Variants in MYT1L observed in about 807,000 individuals in gnomAD.
The protein encoded by MYT1L is myelin transcription factor 1-like protein.
In MYT1L, 12 loss-of-function variants were observed where a neutral mutation model predicts 126.7. The ratio of observed to expected loss-of-function variants is 0.09; its 90% CI spans 0.06 to 0.15. The LOEUF (loss-of-function observed/expected upper bound fraction) is 0.15. Ranked by LOEUF, MYT1L falls within the 10% of genes least tolerant of loss-of-function variation. The probability of loss-of-function intolerance (pLI) is 1.00; values close to 1 mark genes in which losing one functional copy is unlikely to be tolerated. For missense variants in MYT1L, 979 were observed against 1,585.2 expected (o/e 0.62, Z 6.49); for synonymous variants, 541 against 604.2 (o/e 0.90, Z 1.53).
intron 3 of MYT1L, among the ~76,000 whole-genome samples, chr2:2,060,128 C>T (rs1004734754): frequency 1.3e-5 from 2 of 152,186 alleles, no homozygotes; most frequent in African/African-American, 2.4e-5. Flanking sequence ...CACCTGGGCA[C>T]ATCAGATAGC....
intron 2 of MYT1L, among the ~76,000 whole-genome samples, chr2:2,249,006 G>A (rs1278305874): frequency 2.0e-5 from 3 of 152,030 alleles, no homozygotes; most frequent in Admixed American, 6.6e-5. Flanking sequence ...AGTACTGAAA[G>A]TCCCAGCCAG....
At chr2:2,199,560 C>A (rs991148127) in intron 2 of MYT1L, among the ~76,000 whole-genome samples, 5 of 152,178 alleles carry the variant, frequency 3.3e-5, no homozygotes, top group African/African-American at 9.7e-5. Flanking sequence ...GGGGCAGAAC[C>A]CCGTCCTCGC....
At chr2:2,088,486 A>G (rs1292968712) in intron 3 of MYT1L, among the ~76,000 whole-genome samples, 1 of 152,144 alleles carries the variant, frequency 6.6e-6, no homozygotes, top group East Asian at 1.9e-4. Context: ...TAGAGCGACC[A>G]GTGGATCCAG....
In MYT1L at chr2:2,228,524, G is replaced by A. The variant is rs1241421028; in HGVS notation, c.-420-55536C>T. Among the ~76,000 whole-genome samples the A allele has an allele frequency of 2.6e-5, 4 of 152,078 alleles. No homozygotes were observed. The highest frequency in any genetic ancestry group is 1.5e-5 in the Non-Finnish European group (1 of 68,002). ...AACTTTAGAACTGGAAGAAAGTTTAGAATTTTTTTGCCAATCTTTTTGATT... is the reference window on the plus strand; with the variant it reads ...AACTTTAGAACTGGAAGAAAGTTTAAAATTTTTTTGCCAATCTTTTTGATT... On this transcript the variant is annotated intron_variant, in intron 2 of 24. Transcript: ENST00000647738. The surrounding 1 kb of genome is among the most constrained non-coding windows in gnomAD (Gnocchi z 5.9).
In MYT1L at chr2:1,979,532, T is replaced by C. The variant is rs1199356426; in HGVS notation, c.78A>G (p.Gln26=). 1.9e-6 allele frequency: 3 copies of C among 1,613,724 alleles called. No homozygotes were observed. The highest frequency in any genetic ancestry group is 1.7e-5 in the Admixed American group (1 of 60,002). ...GVRVPVEPAI[Q]ELFSCPTPGC... ...CACATGGCACTAACCTGAACAGCTC[T>C]TGTATGGCTGGTTCCACGGGAACTG... The change falls in exon 7 of 25, where the codon CAA becomes CAG. Residue 26 remains glutamine (Q), a synonymous_variant. Coordinates refer to ENST00000647738, the MANE Select transcript of MYT1L (RefSeq NM_001303052.2). The surrounding 1 kb of genome is among the most constrained non-coding windows in gnomAD (Gnocchi z 4.0).
At chr2:2,169,427 TA>T (rs1329866598) in intron 3 of MYT1L, among the ~76,000 whole-genome samples, 15 of 152,208 alleles carry the variant, frequency 9.9e-5, no homozygotes, top group African/African-American at 2.7e-4. Context: ...GTGTTTTGGC[TA>T]AATCACATAT....
At chr2:2,185,434 G>A (rs1198760188) in intron 2 of MYT1L, among the ~76,000 whole-genome samples, 1 of 152,144 alleles carries the variant, frequency 6.6e-6, no homozygotes, top group Non-Finnish European at 1.5e-5. Context: ...CCACACGTGA[G>A]GGGGACGCAG....
chr2:1,937,790 G>A (rs919741655), intron 9 of MYT1L, among the ~76,000 whole-genome samples: 1 of 151,890 alleles, frequency 6.6e-6, no homozygotes, highest in African/African-American at 2.4e-5. Flanking sequence ...GATCGCACGT[G>A]GAGAAGGCCC....
chr2:2,127,822 C>A (rs1661143011), intron 3 of MYT1L, among the ~76,000 whole-genome samples: 1 of 152,254 alleles, frequency 6.6e-6, no homozygotes, highest in Non-Finnish European at 1.5e-5. Flanking sequence ...CACACACCAC[C>A]ACCTCCTTGC....
At chr2:1,947,782 G>T (rs1050197898) in intron 8 of MYT1L, among the ~76,000 whole-genome samples, 1 of 152,246 alleles carries the variant, frequency 6.6e-6, no homozygotes, top group African/African-American at 2.4e-5. Flanking sequence ...TGTGTGGAAA[G>T]TCAAGTACAC....
intron 3 of MYT1L, among the ~76,000 whole-genome samples, chr2:2,107,968 A>G (rs1485843323): frequency 1.3e-5 from 2 of 152,190 alleles, no homozygotes; most frequent in Non-Finnish European, 2.9e-5. Flanking sequence ...TGTTCAATCT[A>G]GAAGTTCATT....
intron 2 of MYT1L, among the ~76,000 whole-genome samples, chr2:2,282,208 T>TATC (rs1213890201): frequency 6.6e-6 from 1 of 152,226 alleles, no homozygotes; most frequent in Non-Finnish European, 1.5e-5. Flanking sequence ...ATCATTTACA[T>TATC]ATCACCACTG....
rs571885840 is a variant in MYT1L, at chr2:2,109,023, A to C, written c.-303-54900T>G. The stretch of plus-strand genomic sequence containing the variant: ...GTCTATACCCCAGCCTGATCCCAAC[A>C]AGGCCAAAGAGACACAGCACACATT... On this transcript the variant is annotated intron_variant, in intron 3 of 24. Coordinates refer to ENST00000647738, the MANE Select transcript of MYT1L (RefSeq NM_001303052.2). Among the ~76,000 whole-genome samples, 4 of 152,284 alleles carry C rather than the reference A, an allele frequency of 2.6e-5. No individual in the cohort carries two copies. In the South Asian group the frequency reaches 8.3e-4, roughly 32 times the overall value.
At chr2:2,206,855 TC>T (rs1264449567) in intron 2 of MYT1L, among the ~76,000 whole-genome samples, 1 of 152,164 alleles carries the variant, frequency 6.6e-6, no homozygotes, top group African/African-American at 2.4e-5. Context: ...ATGTCCTTCT[TC>T]TTCTGTTTAA....
chr2:1,954,225 G>C (rs2058132182), intron 8 of MYT1L, among the ~76,000 whole-genome samples: 1 of 152,166 alleles, frequency 6.6e-6, no homozygotes, highest in South Asian at 2.1e-4. Flanking sequence ...CACAAACGCT[G>C]AAGTCACCGT....
chr2:2,006,988 A>G (rs2063395194), intron 4 of MYT1L, among the ~76,000 whole-genome samples: 1 of 152,018 alleles, frequency 6.6e-6, no homozygotes, highest in South Asian at 2.1e-4. Flanking sequence ...GTATATCTAT[A>G]TTGTGGCAAA....
intron 18 of MYT1L, among the ~76,000 whole-genome samples, chr2:1,874,292 C>T (rs372704036): frequency 4.7e-4 from 72 of 152,104 alleles, no homozygotes; most frequent in African/African-American, 1.7e-3. Flanking sequence ...TCAGGTTCCC[C>T]ATCTGTGAAA....
chr2:2,319,323 CT>C (rs1200651917), intron 1 of MYT1L: 1 of 152,180 alleles, frequency 6.6e-6, no homozygotes, highest in Non-Finnish European at 1.5e-5. Context: ...GAACAGACCC[CT>C]GACAGTTACC....
intron 4 of MYT1L, among the ~76,000 whole-genome samples, chr2:2,031,344 C>G (rs931165925): frequency 1.3e-5 from 2 of 152,366 alleles, no homozygotes; most frequent in African/African-American, 2.4e-5. Flanking sequence ...CATGGTCAAA[C>G]AGCAAAGCTG....
Sources: gnomAD v4.1 joint callset for allele counts (sites outside exome capture counted in the v4.1 genomes callset) on GRCh38, gnomAD v4.1.1 for gene constraint, Gnocchi (gnomAD v3.1) non-coding constraint, MANE v1.5 for transcripts, NCBI Gene and HGNC (gene_info 2026-07-23, HGNC 2026-07-21) for gene names.